The following EIF4G3 variants were observed in gnomAD, a reference collection of about 807,000 sequenced individuals.
EIF4G3 encodes the protein eIF-4-gamma 3.
Under a neutral mutation model 186.4 loss-of-function variants are expected in EIF4G3, and 34 were observed. The ratio of observed to expected loss-of-function variants is 0.18; its 90% CI spans 0.14 to 0.24. The LOEUF (loss-of-function observed/expected upper bound fraction) is 0.24, where lower values mean the gene tolerates loss of function less well. Among genes scored for constraint, EIF4G3 ranks in the 10% least tolerant of loss-of-function variants. The pLI is 1.00. For missense variants in EIF4G3, 1,536 were observed against 1,948.5 expected (o/e 0.79, Z 3.99); for synonymous variants, 673 against 679.5 (o/e 0.99, Z 0.15).
At chr1:20,971,096 G>A (rs190940698) in intron 11 of EIF4G3, among the ~76,000 whole-genome samples, 96 of 152,318 alleles carry the variant, frequency 6.3e-4, no homozygotes, top group Non-Finnish European at 6.8e-4. Context: ...GCTACCCTAT[G>A]CTTAAAGATG....
chr1:21,034,097 TAAC>T (rs1429279547), intron 4 of EIF4G3, among the ~76,000 whole-genome samples: 1 of 152,128 alleles, frequency 6.6e-6, no homozygotes, highest in Non-Finnish European at 1.5e-5. Context: ...TGTCTGAAAG[TAAC>T]AAAGAAAATT....
At chr1:20,833,056 C>T (rs1478186250) in intron 30 of EIF4G3, among the ~76,000 whole-genome samples, 1 of 84,696 alleles carries the variant, frequency 1.2e-5, no homozygotes, top group African/African-American at 4.6e-5. Flanking sequence ...ATGCCTCCAG[C>T]TTTGTTCTTT....
At chr1:20,934,999 A>G (rs1453515622) in intron 14 of EIF4G3, among the ~76,000 whole-genome samples, 3 of 152,176 alleles carry the variant, frequency 2.0e-5, no homozygotes, top group Non-Finnish European at 4.4e-5. Context: ...TTACTCATTC[A>G]TAAATCTCAA....
intron 13 of EIF4G3, among the ~76,000 whole-genome samples, chr1:20,945,447 G>A (rs2095896512): frequency 6.6e-6 from 1 of 152,102 alleles, no homozygotes; most frequent in South Asian, 2.1e-4. Flanking sequence ...GATATGGAAA[G>A]TTGTTTGTAA....
chr1:21,173,295 C>A (rs2098027449), intron 2 of EIF4G3, among the ~76,000 whole-genome samples: 1 of 151,700 alleles, frequency 6.6e-6, no homozygotes, highest in African/African-American at 2.4e-5. Context: ...CTCGTGGGTT[C>A]AAGCGATTCT....
intron 3 of EIF4G3, among the ~76,000 whole-genome samples, chr1:21,053,331 G>C (rs1234147113): frequency 1.3e-5 from 2 of 152,000 alleles, no homozygotes; most frequent in South Asian, 2.1e-4. Flanking sequence ...GAAGTGAGGA[G>C]CGTCTCCGCC....
chr1:20,979,753 TGTC>T (rs1415018282), intron 10 of EIF4G3, among the ~76,000 whole-genome samples: 1 of 139,862 alleles, frequency 7.1e-6, no homozygotes, highest in Non-Finnish European at 1.6e-5. Flanking sequence ...GTAACTTTTC[TGTC>T]TTTTTTTTTT....
chr1:21,069,183 A>T (rs2095365071), intron 3 of EIF4G3, among the ~76,000 whole-genome samples: 2 of 152,136 alleles, frequency 1.3e-5, no homozygotes, highest in African/African-American at 4.8e-5. Flanking sequence ...ATCTTGTAAG[A>T]TGCAGTCCAA....
intron 4 of EIF4G3, among the ~76,000 whole-genome samples, chr1:21,049,105 G>A (rs1369983990): frequency 2.0e-4 from 31 of 152,178 alleles, no homozygotes; most frequent in Non-Finnish European, 1.5e-5. Context: ...ATGCAGTAAG[G>A]AGCCTTTTAG....
At chr1:21,119,263 G>A (rs985366775) in intron 2 of EIF4G3, among the ~76,000 whole-genome samples, 1 of 151,852 alleles carries the variant, frequency 6.6e-6, no homozygotes, top group Non-Finnish European at 1.5e-5. Flanking sequence ...TATAGAATGA[G>A]AGATTTGAAA....
intron 2 of EIF4G3, among the ~76,000 whole-genome samples, chr1:21,116,262 C>T (rs1289982137): frequency 1.3e-5 from 2 of 151,952 alleles, no homozygotes; most frequent in African/African-American, 4.8e-5. Flanking sequence ...CATTATATTC[C>T]CTTCTTAGAA....
intron 2 of EIF4G3, chr1:21,161,912 G>T (rs1033039257): frequency 6.6e-6 from 1 of 151,350 alleles, no homozygotes; most frequent in Middle Eastern, 3.2e-3. Context: ...AGGTTGCAGT[G>T]AGCCGAGATC....
intron 2 of EIF4G3, among the ~76,000 whole-genome samples, chr1:21,148,767 G>A (rs1371644769): frequency 6.6e-6 from 1 of 151,400 alleles, no homozygotes; most frequent in Non-Finnish European, 1.5e-5. Flanking sequence ...GGCTGAGGTG[G>A]GAGGATAGCC....
intron 4 of EIF4G3, among the ~76,000 whole-genome samples, chr1:21,043,147 G>A (rs2093674080): frequency 6.6e-6 from 1 of 152,094 alleles, no homozygotes; most frequent in African/African-American, 2.4e-5. Context: ...AGTCTCCCAG[G>A]ATGCATCCAA....
intron 29 of EIF4G3, chr1:20,841,246 T>C (rs1458301203): frequency 1.1e-5 from 4 of 363,134 alleles, no homozygotes; most frequent in Non-Finnish European, 1.4e-5. Flanking sequence ...AAAAAGAGCA[T>C]TACAGCCCTT....
At chr1:21,109,023 G>C (rs986829422) in intron 2 of EIF4G3, among the ~76,000 whole-genome samples, 4 of 151,630 alleles carry the variant, frequency 2.6e-5, no homozygotes, top group African/African-American at 9.7e-5. Context: ...TTTGAGGCCA[G>C]TTTGGCCAAC....
At chr1:21,131,468 AT>A (rs1553274322) in intron 2 of EIF4G3, among the ~76,000 whole-genome samples, 35 of 150,488 alleles carry the variant, frequency 2.3e-4, no homozygotes, top group Non-Finnish European at 2.2e-4. Context: ...AAAAAAAAAA[AT>A]TCCAAACCAC....
chr1:20,868,090 C>CTTTTTTTTTTTTTTTT lies in EIF4G3; in HGVS notation c.2623-2844_2623-2829dup, dbSNP rs66560662. 4.5e-3 allele frequency among the ~76,000 whole-genome samples: 407 copies of CTTTTTTTTTTTTTTTT among 90,310 alleles called. 28 individuals carry two copies. Among genetic ancestry groups the CTTTTTTTTTTTTTTTT allele is most frequent in the Middle Eastern group, 0.016 (1 of 64 alleles). The allele number at this position is 90,310 out of a possible 152,430, so 59.2% of individuals were successfully genotyped here. A position where few individuals can be genotyped will look rare whatever the true frequency, so the allele number is the denominator to read the frequency against. On this transcript the variant is annotated intron_variant, in intron 20 of 36. Transcript: ENST00000602326. ...GAGAATAGTGATTCATGGTGATTTTCTTTTTTTTTTTTTTTTGTCCTTAGG... is the reference window on the plus strand; with the variant it reads ...GAGAATAGTGATTCATGGTGATTTTCTTTTTTTTTTTTTTTTTTTTTTTTTTTTTTTTGTCCTTAGG...
At chr1:20,997,766 A>G in intron 6 of EIF4G3, 133 bp from the exon 7 acceptor site, 2 of 664,942 alleles carry the variant, frequency 3.0e-6, no homozygotes, top group Middle Eastern at 2.8e-4. Flanking sequence ...AACAACACAC[A>G]AAACAGTCAA....
Sources: allele counts gnomAD v4.1 joint callset (sites outside exome capture counted in the v4.1 genomes callset), GRCh38; gene constraint gnomAD v4.1.1; transcripts MANE v1.5; gene names NCBI Gene and HGNC (gene_info 2026-07-23, HGNC 2026-07-21).